PTPDC1: variants seen among roughly 807,000 people sequenced by gnomAD.
PTPDC1 encodes the protein protein tyrosine phosphatase domain-containing protein 1.
Under a neutral mutation model 75.3 loss-of-function variants are expected in PTPDC1, and 53 were observed. The ratio of observed to expected loss-of-function variants is 0.70; its 90% CI spans 0.56 to 0.88. The LOEUF is 0.88. Ranked by LOEUF, PTPDC1 falls within the 40% of genes least tolerant of loss-of-function variation. PTPDC1 has a pLI of 0.00. For missense variants in PTPDC1, 925 were observed against 998.6 expected, an observed-to-expected ratio of 0.93 and a Z score of 0.99; for synonymous variants, 349 against 366.2, an observed-to-expected ratio of 0.95 and a Z score of 0.54.
chr9:94,053,163 CTA>C (rs1825834070), intron 1 of PTPDC1, among the ~76,000 whole-genome samples: 1 of 152,042 alleles, frequency 6.6e-6, no homozygotes, highest in Non-Finnish European at 1.5e-5. Flanking sequence ...GGAGACTTCT[CTA>C]GGGTATATTT....
At chr9:94,048,120 G>T (rs183908625) in intron 1 of PTPDC1, among the ~76,000 whole-genome samples, 9 of 151,912 alleles carry the variant, frequency 5.9e-5, no homozygotes, top group Admixed American at 5.9e-4. Context: ...TCTTGCTAGC[G>T]GTCTATCAAT....
chr9:94,103,369 A>G (rs542645546), intron 7 of PTPDC1, among the ~76,000 whole-genome samples: 5 of 152,310 alleles, frequency 3.3e-5, no homozygotes, highest in South Asian at 2.1e-4. Context: ...TTTCACAGAC[A>G]AGGAAAGCTG....
chr9:94,094,802 C>T (rs79982950), intron 4 of PTPDC1, among the ~76,000 whole-genome samples: 2 of 152,188 alleles, frequency 1.3e-5, no homozygotes, highest in African/African-American at 4.8e-5. Flanking sequence ...TAAGCCCGTC[C>T]GAAAAGCGCA....
At position 94,088,271 on chromosome 9, in the gene PTPDC1, C is replaced by T. The variant is rs750786850; in HGVS notation, c.616+8C>T. The T allele has an allele frequency of 6.2e-7, 1 of 1,612,698 alleles. No individual in the cohort carries two copies. The highest frequency in any genetic ancestry group is 8.5e-7 in the Non-Finnish European group (1 of 1,179,544). Reference sequence around the variant, plus strand: ...CTTTCATGGAGGCTGGCAGTAAGTTCCTCCCACCCTCCTCTCATGAATTAT... The same window carrying T: ...CTTTCATGGAGGCTGGCAGTAAGTTTCTCCCACCCTCCTCTCATGAATTAT... On this transcript the variant is annotated splice_region_variant and intron_variant, in intron 4 of 8. Coordinates refer to ENST00000620992, the MANE Select transcript of PTPDC1 (RefSeq NM_001253829.2).
In PTPDC1 at chr9:94,097,986, G is replaced by C; in HGVS notation, c.1420G>C (p.Val474Leu). 1 of 1,614,142 alleles carries C rather than the reference G, an allele frequency of 6.2e-7. No individual in the cohort carries two copies. The highest frequency in any genetic ancestry group is 1.6e-4 in the Middle Eastern group (1 of 6,062). Residue 474 changes from valine to leucine, a missense_variant, in exon 6 of 9, where the codon GTT (valine) becomes CTT (leucine). By Grantham distance (32) the Val-to-Leu change is conservative. Coordinates refer to ENST00000620992, the MANE Select transcript of PTPDC1 (RefSeq NM_001253829.2). ...ACAGACAGTGCCTGCCCAGATCTTG[G>C]TTGGCCACAAGCCCAGGCAGCAGAA... ...TPQTVPAQILVGHKPRQQKLI... is the reference protein window; with the variant it reads ...TPQTVPAQILLGHKPRQQKLI...
At chr9:94,083,906 T>A (rs1341634396), upstream of PTPDC1, among the ~76,000 whole-genome samples, 1 of 152,190 alleles carries the variant, frequency 6.6e-6, no homozygotes, top group Non-Finnish European at 1.5e-5. Context: ...ATATCACCTC[T>A]AAAAATGTCT....
Position 94,097,943 on chromosome 9 carries a change from G to A in PTPDC1, c.1377G>A (p.Leu459=), listed in dbSNP as rs1383990543. 2.5e-6 allele frequency: 4 copies of A among 1,614,068 alleles called. No homozygotes were observed. Among genetic ancestry groups the A allele is most frequent in the Non-Finnish European group, 3.4e-6 (4 of 1,180,050 alleles). ...DSDLKRAENL[L]EQGETPQTVP... is the part of the protein sequence containing the mutation. ...ATTTAAAGAGGGCCGAGAACCTCCT[G>A]GAGCAAGGGGAGACTCCACAGACAG... The change falls in exon 6 of 9, where the codon CTG becomes CTA. Residue 459 remains leucine, a synonymous_variant. Transcript: ENST00000620992.
chr9:94,080,988 C>CTTT (rs1254750314), upstream of PTPDC1, among the ~76,000 whole-genome samples: 163 of 127,502 alleles, frequency 1.3e-3, 4 homozygotes, highest in African/African-American at 2.2e-3. Flanking sequence ...TTTTCTTTTT[C>CTTT]TTTTTCTTTT....
chr9:94,064,936 T>C (rs1240870137), intron 2 of PTPDC1: 3 of 732,692 alleles, frequency 4.1e-6, no homozygotes, highest in South Asian at 1.8e-5. Flanking sequence ...GAATCCCAGG[T>C]TGCAAGTATT....
At chr9:94,094,846 GC>G (rs566323407) in intron 4 of PTPDC1, among the ~76,000 whole-genome samples, 23 of 152,338 alleles carry the variant, frequency 1.5e-4, no homozygotes, top group East Asian at 5.8e-4. Context: ...CTTTCCAGGT[GC>G]CGTCCATCAC....
intron 1 of PTPDC1, among the ~76,000 whole-genome samples, chr9:94,039,304 A>G (rs1457255287): frequency 1.3e-5 from 2 of 152,204 alleles, no homozygotes; most frequent in Non-Finnish European, 2.9e-5. Context: ...GAGAAATTAT[A>G]TACAAATAAC....
At chr9:94,066,717 C>G (rs1826319001) in intron 2 of PTPDC1, among the ~76,000 whole-genome samples, 1 of 151,868 alleles carries the variant, frequency 6.6e-6, no homozygotes, top group Non-Finnish European at 1.5e-5. Context: ...GCCACCACGC[C>G]CGGCTCATTT....
chr9:94,086,556 C>T (rs895844854), intron 2 of PTPDC1, among the ~76,000 whole-genome samples: 3 of 152,134 alleles, frequency 2.0e-5, no homozygotes, highest in African/African-American at 4.8e-5. Context: ...ATGTGACCCA[C>T]GACTTCCAAC....
rs763439768 is a variant in PTPDC1, at chr9:94,084,548, A to G, written c.18A>G (p.Ala6=). 1.7e-5 allele frequency: 28 copies of G among 1,612,022 alleles called. No individual in the cohort carries two copies. The Admixed American group carries it at 2.8e-4, about 16-fold the overall frequency. ...CCAGTGCCATGCAGGTGCAGGATGC[A>G]ACCAGGCGGCCCTCAGCCGTGCGCT... MQVQD[A]TRRPSAVRFL... is the part of the protein sequence containing the mutation. Residue 6 remains alanine, a synonymous_variant, in exon 1 of 9, where the codon GCA becomes GCG. Transcript: ENST00000620992.
intron 4 of PTPDC1, among the ~76,000 whole-genome samples, chr9:94,094,351 C>T (rs1481040365): frequency 2.3e-5 from 2 of 86,664 alleles, no homozygotes; most frequent in East Asian, 3.3e-4. Context: ...TGTGAGGTGT[C>T]AGTGTGCCCC....
chr9:94,102,043 C>G (rs778135982), intron 7 of PTPDC1, among the ~76,000 whole-genome samples: 1 of 152,098 alleles, frequency 6.6e-6, no homozygotes, highest in Non-Finnish European at 1.5e-5. Flanking sequence ...TTTTAACATA[C>G]AAGTTTATAT....
intron 1 of PTPDC1, among the ~76,000 whole-genome samples, chr9:94,031,686 G>C (rs1391990952): frequency 1.3e-5 from 2 of 151,996 alleles, no homozygotes; most frequent in Non-Finnish European, 2.9e-5. Flanking sequence ...GCCTTCCAAA[G>C]AGCCTCAAAA....
chr9:94,084,356 C>A, upstream of PTPDC1: 2 of 987,536 alleles, frequency 2.0e-6, no homozygotes, highest in Non-Finnish European at 2.8e-6. Context: ...TTTGCCTGTT[C>A]AGATCTAAGT....
chr9:94,103,229 TCA>T (rs1180162268), intron 7 of PTPDC1, among the ~76,000 whole-genome samples: 3 of 152,222 alleles, frequency 2.0e-5, no homozygotes, highest in African/African-American at 7.2e-5. Context: ...AGCAATTAAA[TCA>T]CAGAGTTAAA....
Sources: gnomAD v4.1 joint callset for allele counts (sites outside exome capture counted in the v4.1 genomes callset) on GRCh38, gnomAD v4.1.1 for gene constraint, MANE v1.5 for transcripts, NCBI Gene and HGNC (gene_info 2026-07-23, HGNC 2026-07-21) for gene names.